The following PNLIPRP1 variants were observed in gnomAD, a reference collection of about 807,000 sequenced individuals.
PNLIPRP1 encodes inactive pancreatic lipase-related protein 1.
PNLIPRP1 carries 57 observed loss-of-function variants against 54.6 expected under a neutral mutation model. That is an observed-to-expected ratio of 1.04 (90% confidence interval 0.84 to 1.30). The LOEUF is 1.30. Ranked by LOEUF, PNLIPRP1 falls within the 50% of genes most tolerant of loss-of-function variation. The probability of loss-of-function intolerance (pLI) is 0.00; values close to 1 mark genes in which losing one functional copy is unlikely to be tolerated. For missense variants in PNLIPRP1, 567 were observed against 568.5 expected, an observed-to-expected ratio of 1.00 and a Z score of 0.03; for synonymous variants, 232 against 208.8, an observed-to-expected ratio of 1.11 and a Z score of -0.96.
Position 116,597,923 on chromosome 10 carries a change from G to A in PNLIPRP1, c.670G>A (p.Ala224Thr), listed in dbSNP as rs782111341. Residue 224 changes from alanine (A) to threonine (T), a missense_variant, in exon 7 of 13, where the codon GCA becomes ACA. By Grantham distance (58) the Ala-to-Thr change is moderately conservative. Coordinates refer to ENST00000358834, the MANE Select transcript of PNLIPRP1 (RefSeq NM_006229.4). ...CTTTGTTGATGTGATTCACACGGAT[G>A]CAGCTCCCCTGATCCCATTCTTGGG... ...ADFVDVIHTD[A>T]APLIPFLGFG... 1.9e-6 allele frequency: 3 copies of A among 1,614,226 alleles called. No homozygotes were observed. The highest frequency in any genetic ancestry group is 2.5e-6 in the Non-Finnish European group (3 of 1,180,042).
chr10:116,591,239 A>G (rs1847630785), intron 2 of PNLIPRP1, 61 bp downstream of exon 2: 9 of 1,389,954 alleles, frequency 6.5e-6, no homozygotes, highest in African/African-American at 1.4e-5. Context: ...AGCCCTGGCC[A>G]GAGAAAGCTT....
Position 116,594,186 on chromosome 10 carries a change from C to A in PNLIPRP1, c.331-544C>A, listed in dbSNP as rs538232933. On this transcript the variant is annotated intron_variant, in intron 4 of 12. Coordinates refer to ENST00000358834, the MANE Select transcript of PNLIPRP1 (RefSeq NM_006229.4). ...CCTTTGACATCCAGGAAGACATTTTCCTTCCAGAATTCTTCAATCTCTTTT... is the reference window on the plus strand; with the variant it reads ...CCTTTGACATCCAGGAAGACATTTTACTTCCAGAATTCTTCAATCTCTTTT... 8.0e-6 allele frequency: 3 copies of A among 373,404 alleles called. No individual in the cohort carries two copies. In the East Asian group the frequency reaches 2.3e-4, roughly 28 times the overall value. The allele number at this position is 373,404 out of a possible 1,614,324, so 23.1% of individuals were successfully genotyped here.
At chr10:116,599,310 T>C (rs1847792205) in intron 8 of PNLIPRP1, among the ~76,000 whole-genome samples, 1 of 95,420 alleles carries the variant, frequency 1.0e-5, no homozygotes, top group South Asian at 3.9e-4. Flanking sequence ...AAATAAAGAA[T>C]GAGGACATAT....
rs781919678 is a variant in PNLIPRP1, at chr10:116,592,439, A to G, written c.228A>G (p.Ser76=). 6 of 1,611,668 alleles carry G rather than the reference A, an allele frequency of 3.7e-6. No homozygotes were observed. The highest frequency in any genetic ancestry group is 5.1e-6 in the Non-Finnish European group (6 of 1,178,156). Residue 76 remains serine (S), a synonymous_variant, in exon 4 of 13, where the codon TCA becomes TCG. Coordinates refer to ENST00000358834, the MANE Select transcript of PNLIPRP1 (RefSeq NM_006229.4). ...NFQILLLSDP[S]TIEASNFQMD... ...AGATTCTCCTCCTCTCTGATCCATC[A>G]ACAATTGAGGCATCAAATTTTCAAA...
Position 116,605,425 on chromosome 10 carries a change from T to C in PNLIPRP1, c.1212T>C (p.Phe404=). The C allele has an allele frequency of 1.2e-6, 2 of 1,611,342 alleles. No homozygotes were observed. The highest frequency in any genetic ancestry group is 3.3e-5 in the Admixed American group (2 of 59,996). ...LKPGSTHSYE[F]DAKLDVGTIE... ...CAGGCTCAACCCATTCCTATGAGTT[T>C]GATGCAAAGCTGGATGTTGGAACAA... Residue 404 remains phenylalanine (F), a synonymous_variant, in exon 12 of 13, where the codon TTT becomes TTC. Transcript: ENST00000358834.
chr10:116,592,706 C>T, intron 4 of PNLIPRP1, 165 bp downstream of exon 4: 1 of 832,800 alleles, frequency 1.2e-6, no homozygotes, highest in Non-Finnish European at 2.0e-6. Context: ...TTCCGCACTA[C>T]ATCTGCACAC....
intron 2 of PNLIPRP1, 93 bp from the exon 3 acceptor site, chr10:116,591,678 C>A: frequency 1.5e-6 from 2 of 1,325,594 alleles, no homozygotes; most frequent in Admixed American, 1.9e-5. Flanking sequence ...CAGACTGTCC[C>A]TGAATAGAAG....
At position 116,592,519 on chromosome 10, in the gene PNLIPRP1, G is replaced by A; in HGVS notation, c.308G>A (p.Ser103Asn). Residue 103 changes from serine to asparagine, a missense_variant, in exon 4 of 13, where the codon AGC becomes AAC. Coordinates refer to ENST00000358834, the MANE Select transcript of PNLIPRP1 (RefSeq NM_006229.4). ...IHGFIDKGDE[S>N]WVTDMCKKLF... ...GGCTTCATAGACAAAGGAGATGAGA[G>A]CTGGGTGACAGACATGTGCAAGGTA... is the stretch of plus-strand genomic sequence containing the variant. The A allele has an allele frequency of 6.2e-7, 1 of 1,614,182 alleles. No individual in the cohort carries two copies. The highest frequency in any genetic ancestry group is 1.1e-5 in the South Asian group (1 of 91,074).
rs782296292 is a variant in PNLIPRP1, at chr10:116,591,775, A to T, written c.54A>T (p.Lys18Asn). 1 of 1,614,148 alleles carries T rather than the reference A, an allele frequency of 6.2e-7. No homozygotes were observed. The highest frequency in any genetic ancestry group is 8.5e-7 in the Non-Finnish European group (1 of 1,180,018). Reference protein sequence around the residue: ...TLFLLGAAKGKEVCYEDLGCF... With the variant: ...TLFLLGAAKGNEVCYEDLGCF... Reference sequence around the variant, plus strand: ...AGATTCAACCTTTCTCTGTAGGAAAAGAAGTTTGCTATGAGGACCTCGGGT... The same window carrying T: ...AGATTCAACCTTTCTCTGTAGGAAATGAAGTTTGCTATGAGGACCTCGGGT... The change falls in exon 3 of 13, where the codon AAA (lysine) becomes AAT (asparagine). Residue 18 changes from lysine (K) to asparagine (N), a missense_variant. Physicochemically the swap from Lys to Asn is moderately conservative, Grantham distance 94. Transcript: ENST00000358834.
intron 10 of PNLIPRP1, 142 bp from the exon 11 acceptor site, chr10:116,603,888 A>G (rs1319475902): frequency 2.0e-6 from 1 of 493,216 alleles, no homozygotes; most frequent in Non-Finnish European, 3.6e-6. Flanking sequence ...GTGAGACCCC[A>G]TCTCAAAAAA....
chr10:116,591,178 G>A lies in PNLIPRP1; in HGVS notation c.49G>A (p.Gly17Arg). The change falls in exon 2 of 13, where the codon GGA (glycine) becomes AGA (arginine). Residue 17 changes from glycine (G) to arginine (R), a missense_variant and splice_region_variant. Coordinates refer to ENST00000358834, the MANE Select transcript of PNLIPRP1 (RefSeq NM_006229.4). ...ACTTTTCCTGCTGGGAGCAGCCAAA[G>A]GTAAGAAACACCACTCCTGCCCCGT... Reference protein sequence around the residue: ...ITLFLLGAAKGKEVCYEDLGC... With the variant: ...ITLFLLGAAKRKEVCYEDLGC... The A allele has an allele frequency of 6.2e-7, 1 of 1,612,352 alleles. No homozygotes were observed. Among genetic ancestry groups the A allele is most frequent in the Non-Finnish European group, 8.5e-7 (1 of 1,178,862 alleles).
chr10:116,605,875 C>T (rs1170848243), intron 12 of PNLIPRP1, among the ~76,000 whole-genome samples: 1 of 152,122 alleles, frequency 6.6e-6, no homozygotes, highest in Non-Finnish European at 1.5e-5. Context: ...TAGTGAATAG[C>T]TATACTTGAA....
chr10:116,603,066 C>A (rs534362222), intron 10 of PNLIPRP1, among the ~76,000 whole-genome samples: 1 of 152,102 alleles, frequency 6.6e-6, no homozygotes, highest in Non-Finnish European at 1.5e-5. Context: ...TGTGTGTGCA[C>A]GCACATGCAT....
chr10:116,591,156 T>C lies in PNLIPRP1; in HGVS notation c.27T>C (p.Leu9=). The C allele has an allele frequency of 1.9e-6, 3 of 1,613,668 alleles. No homozygotes were observed. The highest frequency in any genetic ancestry group is 2.5e-6 in the Non-Finnish European group (3 of 1,179,862). The part of the protein sequence containing the change: MLIFWTIT[L]FLLGAAKGKE... Reference sequence around the variant, plus strand: ...TGCTGATCTTCTGGACAATCACACTTTTCCTGCTGGGAGCAGCCAAAGGTA... The same window carrying C: ...TGCTGATCTTCTGGACAATCACACTCTTCCTGCTGGGAGCAGCCAAAGGTA... The change falls in exon 2 of 13, where the codon CTT becomes CTC. Residue 9 remains leucine, a synonymous_variant. Transcript: ENST00000358834.
At position 116,597,853 on chromosome 10, in the gene PNLIPRP1, C is replaced by T. The variant is rs113515929; in HGVS notation, c.600C>T (p.Phe200=). 4.3e-5 allele frequency: 69 copies of T among 1,614,154 alleles called. No homozygotes were observed. The African/African-American group carries it at 6.9e-4, about 16-fold the overall frequency. Residue 200 remains phenylalanine, a synonymous_variant, in exon 7 of 13, where the codon TTC becomes TTT. Transcript: ENST00000358834. ...GGTTGGATCCTGTAGAAGCAAGTTT[C>T]GAGAGTACTCCTGAAGAGGTGCGAC... ...ITGLDPVEAS[F]ESTPEEVRLD...
intron 1 of PNLIPRP1, 24 bp downstream of exon 1, chr10:116,591,019 T>TC: frequency 1.3e-6 from 1 of 772,010 alleles, no homozygotes; most frequent in African/African-American, 1.7e-5. Context: ...GCAACTCCTT[T>TC]CCCCCTGCTG....
At chr10:116,602,315 G>A (rs918547781) in intron 10 of PNLIPRP1, among the ~76,000 whole-genome samples, 13 of 147,624 alleles carry the variant, frequency 8.8e-5, no homozygotes, top group Non-Finnish European at 6.0e-5. Context: ...CACCGCACCC[G>A]GCCCACTCTG....
chr10:116,597,645 TG>T (rs1286224831), intron 6 of PNLIPRP1, among the ~76,000 whole-genome samples, 182 bp from the exon 7 acceptor site: 3 of 152,218 alleles, frequency 2.0e-5, no homozygotes, highest in African/African-American at 7.2e-5. Flanking sequence ...GGAACCCTTT[TG>T]CAATGAGCCA....
At position 116,597,903 on chromosome 10, in the gene PNLIPRP1, TTGA is replaced by T; in HGVS notation, c.653_655del (p.Asp218del). On this transcript the variant is annotated inframe_deletion, in exon 7 of 13. Transcript: ENST00000358834. ...CTTGATCCCTCTGATGCTGACTTTG[TTGA>T]TGTGATTCACACGGATGCAGCTCCC... 1 of 1,614,238 alleles carries T rather than the reference TTGA, an allele frequency of 6.2e-7. No homozygotes were observed. The highest frequency in any genetic ancestry group is 8.5e-7 in the Non-Finnish European group (1 of 1,180,042).
Sources: gnomAD v4.1 joint callset for allele counts (sites outside exome capture counted in the v4.1 genomes callset) on GRCh38, gnomAD v4.1.1 for gene constraint, MANE v1.5 for transcripts, NCBI Gene and HGNC (gene_info 2026-07-23, HGNC 2026-07-21) for gene names.